Variants in PARP8 observed in about 807,000 individuals in gnomAD.
The protein encoded by PARP8 is poly(ADP-ribose) polymerase family member 8.
In PARP8, 51 loss-of-function variants were observed where a neutral mutation model predicts 124.1. That is an observed-to-expected ratio of 0.41 (90% CI 0.33 to 0.52). PARP8 has a LOEUF of 0.52. Ranked by LOEUF, PARP8 falls within the 20% of genes least tolerant of loss-of-function variation. The pLI is 0.21. For synonymous variants in PARP8, 391 were observed against 361.5 expected, an observed-to-expected ratio of 1.08 and a Z score of -0.93; for missense variants, 860 against 1,018.9, an observed-to-expected ratio of 0.84 and a Z score of 2.12.
intron 2 of PARP8, among the ~76,000 whole-genome samples, chr5:50,709,409 T>C (rs1175634461): frequency 2.0e-5 from 3 of 152,060 alleles, no homozygotes; most frequent in Non-Finnish European, 4.4e-5. Context: ...ATTCTGGTTA[T>C]CTATATTTCT....
At chr5:50,831,981 C>G (rs111269182) in intron 22 of PARP8, among the ~76,000 whole-genome samples, 4 of 152,218 alleles carry the variant, frequency 2.6e-5, no homozygotes, top group African/African-American at 9.6e-5. Flanking sequence ...GCTTTTTGTT[C>G]AGAATTGGCA....
At chr5:50,677,699 A>G (rs1750790784) in intron 2 of PARP8, among the ~76,000 whole-genome samples, 1 of 152,180 alleles carries the variant, frequency 6.6e-6, no homozygotes, top group African/African-American at 2.4e-5. Flanking sequence ...AATTTCCAGT[A>G]TCCTCAATAT....
At chr5:50,737,122 A>G (rs1757549620) in intron 2 of PARP8, among the ~76,000 whole-genome samples, 1 of 152,070 alleles carries the variant, frequency 6.6e-6, no homozygotes, top group Non-Finnish European at 1.5e-5. Flanking sequence ...TAAGATTCCC[A>G]TTTTGCCAGA....
At chr5:50,798,598 T>G (rs953893550) in intron 14 of PARP8, among the ~76,000 whole-genome samples, 5 of 151,782 alleles carry the variant, frequency 3.3e-5, no homozygotes, top group African/African-American at 1.2e-4. Flanking sequence ...TTTTTTGTAT[T>G]TTTTTAGTAG....
At chr5:50,800,549 T>C (rs545890095) in intron 14 of PARP8, among the ~76,000 whole-genome samples, 1 of 152,286 alleles carries the variant, frequency 6.6e-6, no homozygotes, top group Admixed American at 6.5e-5. Context: ...GGATTTTTCA[T>C]AGATGCCACT....
chr5:50,775,408 A>G (rs1435020397), intron 7 of PARP8, among the ~76,000 whole-genome samples: 1 of 152,148 alleles, frequency 6.6e-6, no homozygotes, highest in Non-Finnish European at 1.5e-5. Flanking sequence ...TACAAAAACC[A>G]GTCAAGCGTG....
chr5:50,754,904 T>C (rs907357667), intron 3 of PARP8, among the ~76,000 whole-genome samples: 3 of 152,178 alleles, frequency 2.0e-5, no homozygotes, highest in African/African-American at 7.2e-5. Context: ...TATCTCATTG[T>C]GGTTTTGATT....
At chr5:50,745,098 T>A (rs1758409714) in intron 2 of PARP8, 1 of 222,602 alleles carries the variant, frequency 4.5e-6, no homozygotes, top group South Asian at 1.6e-4. Flanking sequence ...GGTATACCAC[T>A]GAGAAAATGC....
rs1748240693 is a variant in PARP8, at chr5:50,842,053, A to G, written c.2550A>G (p.Gln850=). The part of the protein sequence containing the change: ...HKEILRVIGN[Q]TATG ...AGATCCTCCGAGTAATTGGTAATCA[A>G]ACTGCTACTGGTTAAAGGACCACCA... The change falls in exon 26 of 26, where the codon CAA becomes CAG. Residue 850 remains glutamine (Q), a synonymous_variant. Coordinates refer to ENST00000281631, the MANE Select transcript of PARP8 (RefSeq NM_024615.4). The G allele has an allele frequency of 1.1e-5, 17 of 1,600,140 alleles. No individual in the cohort carries two copies. The highest frequency in any genetic ancestry group is 1.4e-5 in the Non-Finnish European group (16 of 1,171,022).
rs141680180 is a variant in PARP8, at chr5:50,751,585, C to T, written c.184+1397C>T. On this transcript the variant is annotated intron_variant, in intron 3 of 25. Coordinates refer to ENST00000281631, the MANE Select transcript of PARP8 (RefSeq NM_024615.4). ...GTATATCAAAATACACTGTCCAGTG[C>T]GCAGTATACCAAGTATTTGCACATA... Among the ~76,000 whole-genome samples, 56 of 152,178 alleles carry T rather than the reference C, an allele frequency of 3.7e-4. No homozygotes were observed. In the East Asian group the frequency reaches 9.8e-3, roughly 27 times the overall value.
At chr5:50,803,191 T>C (rs923581352) in intron 14 of PARP8, among the ~76,000 whole-genome samples, 3 of 152,130 alleles carry the variant, frequency 2.0e-5, no homozygotes, top group Admixed American at 2.0e-4. Flanking sequence ...CCATGAAAAA[T>C]GACCTGTTTT....
intron 22 of PARP8, among the ~76,000 whole-genome samples, chr5:50,832,350 G>A (rs1382207911): frequency 2.0e-5 from 3 of 152,222 alleles, no homozygotes; most frequent in South Asian, 2.1e-4. Flanking sequence ...TTAATTAGAA[G>A]AAATGTTAAA....
intron 21 of PARP8, among the ~76,000 whole-genome samples, chr5:50,828,680 G>T (rs745672426): frequency 1.3e-5 from 2 of 151,838 alleles, no homozygotes; most frequent in South Asian, 4.1e-4. Flanking sequence ...AGGAGTTTGA[G>T]ACCAGCCTGG....
chr5:50,788,678 TTCAG>T (rs1178285661), intron 10 of PARP8, 89 bp downstream of exon 10: 1 of 750,482 alleles, frequency 1.3e-6, no homozygotes, highest in Non-Finnish European at 1.9e-6. Flanking sequence ...CAAAAACCTA[TTCAG>T]TAAGAACTTT....
chr5:50,773,946 G>A (rs950456533), intron 7 of PARP8, among the ~76,000 whole-genome samples: 18 of 151,832 alleles, frequency 1.2e-4, no homozygotes, highest in African/African-American at 4.4e-4. Context: ...TAAACACGTG[G>A]ACAAAGGTCT....
chr5:50,679,440 C>T (rs1231572748), intron 2 of PARP8, among the ~76,000 whole-genome samples: 5 of 152,010 alleles, frequency 3.3e-5, no homozygotes, highest in Admixed American at 6.6e-5. Context: ...TTGTATTTCC[C>T]TTTCTTTAGT....
chr5:50,788,664 C>CA, intron 10 of PARP8, 75 bp downstream of exon 10: 1 of 1,257,900 alleles, frequency 7.9e-7, no homozygotes, highest in African/African-American at 2.4e-5. Context: ...TTAAAACAAA[C>CA]AAACAAAAAC....
intron 6 of PARP8, among the ~76,000 whole-genome samples, chr5:50,762,665 T>C (rs16885251): frequency 0.052 from 7,944 of 152,294 alleles, 298 homozygotes; most frequent in South Asian, 0.18. Context: ...CAATCAAGCA[T>C]GTGCAAGGCT....
intron 2 of PARP8, among the ~76,000 whole-genome samples, chr5:50,715,970 T>A (rs1489541280): frequency 6.6e-6 from 1 of 152,136 alleles, no homozygotes; most frequent in Non-Finnish European, 1.5e-5. Context: ...CATTCCTCTT[T>A]AACTCCCACT....
Sources: allele counts gnomAD v4.1 joint callset (sites outside exome capture counted in the v4.1 genomes callset), GRCh38; gene constraint gnomAD v4.1.1; transcripts MANE v1.5; gene names NCBI Gene and HGNC (gene_info 2026-07-23, HGNC 2026-07-21).